LNX1: variants seen among roughly 807,000 people sequenced by gnomAD.
LNX1 encodes E3 ubiquitin-protein ligase LNX.
Under a neutral mutation model 68.4 loss-of-function variants are expected in LNX1, and 54 were observed. The ratio of observed to expected loss-of-function variants is 0.79; its 90% CI spans 0.63 to 0.99. The LOEUF (loss-of-function observed/expected upper bound fraction) is 0.99, where lower values mean the gene tolerates loss of function less well. LNX1 is among the 50% of genes least tolerant of loss of function. The probability of loss-of-function intolerance (pLI) is 0.00; values close to 1 mark genes in which losing one functional copy is unlikely to be tolerated. For missense variants in LNX1, 906 were observed against 926.4 expected (o/e 0.98, Z 0.29); for synonymous variants, 336 against 350.0 (o/e 0.96, Z 0.45).
At chr4:53,462,661 GAAATA>G (rs1259756800) in intron 9 of LNX1, among the ~76,000 whole-genome samples, 1 of 152,038 alleles carries the variant, frequency 6.6e-6, no homozygotes, top group Non-Finnish European at 1.5e-5. Context: ...GTTTTCACTT[GAAATA>G]AAATGAGCTT....
intron 2 of LNX1, among the ~76,000 whole-genome samples, chr4:53,535,862 C>A (rs904368993): frequency 6.6e-6 from 1 of 152,130 alleles, no homozygotes; most frequent in Non-Finnish European, 1.5e-5. Context: ...AACTGTATGT[C>A]TACATTTGAT....
At chr4:53,624,433 T>C (rs965051673) in intron 1 of LNX1, among the ~76,000 whole-genome samples, 1 of 152,224 alleles carries the variant, frequency 6.6e-6, no homozygotes, top group African/African-American at 2.4e-5. Flanking sequence ...CCTGCCACCA[T>C]GTAAGACATG....
intron 10 of LNX1, 76 bp from the exon 11 acceptor site, chr4:53,461,118 G>A (rs1722010772): frequency 7.7e-7 from 1 of 1,306,126 alleles, no homozygotes; most frequent in East Asian, 2.5e-5. Context: ...TATCTTAGTG[G>A]TGCTAGATTT....
intron 1 of LNX1, among the ~76,000 whole-genome samples, chr4:53,575,271 C>T (rs553158339): frequency 6.6e-6 from 1 of 152,336 alleles, no homozygotes; most frequent in South Asian, 2.1e-4. Flanking sequence ...TGTGAGCCCC[C>T]ATGCCCAGCC....
chr4:53,612,402 T>C (rs1225100512), intron 2 of LNX1, among the ~76,000 whole-genome samples: 1 of 152,208 alleles, frequency 6.6e-6, no homozygotes. Flanking sequence ...CACCAGAATA[T>C]AAAGATTCAT....
chr4:53,514,754 A>AC (rs1726627652), intron 2 of LNX1, among the ~76,000 whole-genome samples: 1 of 151,902 alleles, frequency 6.6e-6, no homozygotes, highest in African/African-American at 2.4e-5. Flanking sequence ...CAGGGAAAGT[A>AC]CCCCCCTTGG....
chr4:53,503,216 T>C (rs1419693034), intron 4 of LNX1, among the ~76,000 whole-genome samples: 1 of 152,222 alleles, frequency 6.6e-6, no homozygotes, highest in Non-Finnish European at 1.5e-5. Flanking sequence ...GTTGATATTT[T>C]GACCTCCTCC....
chr4:53,542,084 A>G (rs1432177108), intron 2 of LNX1, among the ~76,000 whole-genome samples: 2 of 152,226 alleles, frequency 1.3e-5, no homozygotes, highest in Non-Finnish European at 2.9e-5. Context: ...GGATGTCAGA[A>G]GACTGGAACA....
chr4:53,462,806 T>G (rs1018383743), intron 9 of LNX1, among the ~76,000 whole-genome samples: 1 of 152,158 alleles, frequency 6.6e-6, no homozygotes, highest in Non-Finnish European at 1.5e-5. Context: ...AAGTATGAAT[T>G]TCATTAAATT....
chr4:53,461,244 T>G (rs1722046407), intron 10 of LNX1, among the ~76,000 whole-genome samples, 191 bp downstream of exon 10: 1 of 152,090 alleles, frequency 6.6e-6, no homozygotes, highest in South Asian at 2.1e-4. Context: ...ATGCTAAAAG[T>G]ATGGGGAGTT....
At position 53,471,129 on chromosome 4, in the gene LNX1, G is replaced by A. The variant is rs1428599100; in HGVS notation, c.1892+5624C>T. On this transcript the variant is annotated intron_variant, in intron 9 of 10. Coordinates refer to ENST00000263925, the MANE Select transcript of LNX1 (RefSeq NM_001126328.3). ...CAGTAACCAAAACAGCATGGTACTG[G>A]TACCAAAACAGAGATATAGACCAAT... Among the ~76,000 whole-genome samples the A allele has an allele frequency of 2.8e-5, 4 of 143,074 alleles. No homozygotes were observed. The East Asian group carries it at 8.1e-4, about 29-fold the overall frequency. The allele number at this position is 143,074 out of a possible 152,430, so 93.9% of individuals were successfully genotyped here.
chr4:53,494,162 C>A (rs1265863137), intron 6 of LNX1, among the ~76,000 whole-genome samples: 2 of 152,174 alleles, frequency 1.3e-5, no homozygotes, highest in Non-Finnish European at 2.9e-5. Context: ...AATTGAATCA[C>A]GGGAGTGGTT....
At chr4:53,512,924 C>T (rs1375717222) in intron 2 of LNX1, among the ~76,000 whole-genome samples, 1 of 152,070 alleles carries the variant, frequency 6.6e-6, no homozygotes, top group African/African-American at 2.4e-5. Flanking sequence ...CCTGAGCACT[C>T]GGGTGAGTTT....
intron 9 of LNX1, among the ~76,000 whole-genome samples, chr4:53,466,304 A>G (rs1275027173): frequency 1.3e-5 from 2 of 152,254 alleles, no homozygotes; most frequent in Non-Finnish European, 1.5e-5. Context: ...GTTGAACTAC[A>G]TACTTAAAGC....
intron 2 of LNX1, among the ~76,000 whole-genome samples, chr4:53,510,091 A>G (rs1362834862): frequency 6.6e-6 from 1 of 152,190 alleles, no homozygotes; most frequent in Non-Finnish European, 1.5e-5. Flanking sequence ...GCTTAGAAAG[A>G]TGCACCCAAG....
At chr4:53,601,851 A>G (rs1473101993) in intron 2 of LNX1, among the ~76,000 whole-genome samples, 1 of 152,154 alleles carries the variant, frequency 6.6e-6, no homozygotes, top group Admixed American at 6.5e-5. Context: ...TGAAGCTGCC[A>G]GTCATCTCAA....
intron 2 of LNX1, among the ~76,000 whole-genome samples, chr4:53,532,892 C>T (rs1577672285): frequency 7.6e-6 from 1 of 131,336 alleles, no homozygotes; most frequent in Admixed American, 7.6e-5. Context: ...CCAGCATCAT[C>T]TGTTCCAAAT....
At chr4:53,567,434 T>C (rs2109758986) in intron 2 of LNX1, among the ~76,000 whole-genome samples, 1 of 152,092 alleles carries the variant, frequency 6.6e-6, no homozygotes, top group East Asian at 1.9e-4. Flanking sequence ...ATAAAGATGT[T>C]CTTTGAAACC....
chr4:53,533,524 G>A (rs1350801349), intron 2 of LNX1, among the ~76,000 whole-genome samples: 1 of 152,130 alleles, frequency 6.6e-6, no homozygotes, highest in Admixed American at 6.5e-5. Context: ...TCAGCCTCCT[G>A]AGTAGCTGGG....
Sources: allele counts gnomAD v4.1 joint callset (sites outside exome capture counted in the v4.1 genomes callset), GRCh38; gene constraint gnomAD v4.1.1; transcripts MANE v1.5; gene names NCBI Gene and HGNC (gene_info 2026-07-23, HGNC 2026-07-21).